AIM2: variants seen among roughly 807,000 people sequenced by gnomAD.
AIM2 encodes interferon-inducible protein AIM2.
In AIM2, 30 loss-of-function variants were observed where a neutral mutation model predicts 27.7. The observed-to-expected ratio is 1.08, with a 90% confidence interval of 0.81 to 1.47. The LOEUF (loss-of-function observed/expected upper bound fraction) is 1.47, where lower values mean the gene tolerates loss of function less well. Among genes scored for constraint, AIM2 ranks in the 40% most tolerant of loss-of-function variants. The pLI, the probability that AIM2 is intolerant of heterozygous loss-of-function variation, is 0.00. For missense variants in AIM2, 358 were observed against 411.3 expected, an observed-to-expected ratio of 0.87 and a Z score of 1.12; for synonymous variants, 141 against 145.3, an observed-to-expected ratio of 0.97 and a Z score of 0.21.
intron 2 of AIM2, among the ~76,000 whole-genome samples, chr1:159,071,410 A>G (rs752226124): frequency 1.3e-5 from 2 of 152,258 alleles, no homozygotes; most frequent in Non-Finnish European, 1.5e-5. Flanking sequence ...AATTTCCTAC[A>G]TTCAAAAGCG....
intron 1 of AIM2, among the ~76,000 whole-genome samples, chr1:159,118,934 T>A (rs1343291188): frequency 1.3e-5 from 2 of 152,168 alleles, no homozygotes; most frequent in Non-Finnish European, 2.9e-5. Context: ...TAGTTGCATA[T>A]AATGACACAG....
At chr1:159,082,722 A>G (rs1338355667) in intron 1 of AIM2, among the ~76,000 whole-genome samples, 1 of 152,086 alleles carries the variant, frequency 6.6e-6, no homozygotes, top group Non-Finnish European at 1.5e-5. Flanking sequence ...CGCCTCCCCA[A>G]AGCCCCACCT....
upstream of AIM2, among the ~76,000 whole-genome samples, chr1:159,078,562 G>GT (rs1406431903): frequency 6.6e-6 from 1 of 152,216 alleles, no homozygotes; most frequent in African/African-American, 2.4e-5. Context: ...CCTGTAAAAG[G>GT]TGAGTTAAGT....
rs778132585 is a variant in AIM2 at position 159,073,491 on chromosome 1, A to T, written c.9T>A (p.Ser3Arg). 6.2e-7 allele frequency: 1 copy of T among 1,613,254 alleles called. No homozygotes were observed. Among genetic ancestry groups the T allele is most frequent in the African/African-American group, 1.3e-5 (1 of 74,846 alleles). ME[S>R]KYKEILLLTG... is the part of the protein sequence containing the mutation. ...TTAGCAAGAGTATCTCCTTGTATTTACTCTCCATCTGACAACTTTGGGATC... is the reference window on the plus strand; with the variant it reads ...TTAGCAAGAGTATCTCCTTGTATTTTCTCTCCATCTGACAACTTTGGGATC... The change falls in exon 2 of 6, where the codon AGT becomes AGA. Residue 3 changes from serine to arginine, a missense_variant. By Grantham distance (110) the Ser-to-Arg change is moderately radical (BLOSUM62 -1). Coordinates refer to ENST00000368130, the MANE Select transcript of AIM2 (RefSeq NM_004833.3).
intron 1 of AIM2, among the ~76,000 whole-genome samples, chr1:159,106,322 G>A (rs548699323): frequency 2.0e-5 from 3 of 152,324 alleles, no homozygotes; most frequent in East Asian, 1.9e-4. Flanking sequence ...CGCCTCCCCT[G>A]CTACAGCCAG....
chr1:159,136,411 G>C (rs1192805084), intron 1 of AIM2, among the ~76,000 whole-genome samples: 2 of 152,132 alleles, frequency 1.3e-5, no homozygotes, highest in African/African-American at 4.8e-5. Flanking sequence ...TACTAGATGA[G>C]AAAATCAAGG....
At chr1:159,094,215 G>C (rs1285314653) in intron 1 of AIM2, among the ~76,000 whole-genome samples, 4 of 152,148 alleles carry the variant, frequency 2.6e-5, no homozygotes, top group Admixed American at 6.5e-5. Context: ...ACTCTATTAG[G>C]TTGGTGCAAA....
rs181762065 is a variant in AIM2 at position 159,130,731 on chromosome 1, T to C, written c.-16+9700A>G. On this transcript the variant is annotated intron_variant, in intron 1 of 2. Coordinates refer to the AIM2 transcript ENST00000368129. ...TGTCTCCAACCTAGCTTCCCTTCAG[T>C]CTTTCTCCAAATTCTTCTGGAATAA... is the stretch of plus-strand genomic sequence containing the variant. Among the ~76,000 whole-genome samples the C allele has an allele frequency of 2.0e-5, 3 of 152,036 alleles. No individual in the cohort carries two copies. In the East Asian group the frequency reaches 5.8e-4, roughly 29 times the overall value.
At chr1:159,071,753 AC>A (rs1282335945) in intron 2 of AIM2, among the ~76,000 whole-genome samples, 1 of 152,054 alleles carries the variant, frequency 6.6e-6, no homozygotes, top group African/African-American at 2.4e-5. Context: ...CAAGTGATCC[AC>A]CCGCCTTGGC....
intron 1 of AIM2, among the ~76,000 whole-genome samples, chr1:159,105,911 A>G (rs1174371464): frequency 6.6e-6 from 1 of 152,108 alleles, no homozygotes; most frequent in East Asian, 1.9e-4. Context: ...GCTTCGGGCC[A>G]TCCTTGGTTT....
intron 1 of AIM2, among the ~76,000 whole-genome samples, chr1:159,076,060 A>G (rs531102568): frequency 6.6e-6 from 1 of 152,292 alleles, no homozygotes; most frequent in South Asian, 2.1e-4. Context: ...CAAAATAAGG[A>G]ATACATTAAA....
chr1:159,142,373 G>C (rs1648129519), upstream of AIM2, among the ~76,000 whole-genome samples: 2 of 152,190 alleles, frequency 1.3e-5, no homozygotes, highest in Admixed American at 1.3e-4. Flanking sequence ...TGTGTGTTCA[G>C]TGTGTAAGTA....
chr1:159,117,116 T>A (rs1013315796), intron 1 of AIM2, among the ~76,000 whole-genome samples: 2 of 152,116 alleles, frequency 1.3e-5, no homozygotes, highest in Non-Finnish European at 2.9e-5. Flanking sequence ...AGCAGAAATA[T>A]AGCTGTCAAG....
chr1:159,066,355 AGCTGTGAGTC>A, intron 3 of AIM2, 26 bp from the exon 4 acceptor site: 1 of 1,585,172 alleles, frequency 6.3e-7, no homozygotes, highest in Admixed American at 1.9e-5. Context: ...GAAAGATATC[AGCTGTGAGTC>A]AAAAAGGTAC....
chr1:159,127,413 ATGTCTG>A (rs1396023649), intron 1 of AIM2, among the ~76,000 whole-genome samples: 1 of 152,206 alleles, frequency 6.6e-6, no homozygotes, highest in Non-Finnish European at 1.5e-5. Flanking sequence ...TATGGTCTGA[ATGTCTG>A]TGTCCCCACA....
At position 159,066,339 on chromosome 1, in the gene AIM2, A is replaced by G. The variant is rs1309159756; in HGVS notation, c.397-10T>C. 6.3e-7 allele frequency: 1 copy of G among 1,599,080 alleles called. No homozygotes were observed. On this transcript the variant is annotated splice_polypyrimidine_tract_variant and intron_variant, in intron 3 of 5. Transcript: ENST00000368130. ...TCTGTTTCTGTTCAGGCTGAAGACAAGAGAAGAAAGATATCAGCTGTGAGT... is the reference window on the plus strand; with the variant it reads ...TCTGTTTCTGTTCAGGCTGAAGACAGGAGAAGAAAGATATCAGCTGTGAGT...
At chr1:159,083,221 A>G (rs545263268) in intron 1 of AIM2, among the ~76,000 whole-genome samples, 46 of 152,338 alleles carry the variant, frequency 3.0e-4, no homozygotes, top group South Asian at 8.3e-4. Context: ...TGAAATGACC[A>G]TATTGGGAAA....
intron 1 of AIM2, among the ~76,000 whole-genome samples, chr1:159,113,263 T>C (rs890308299): frequency 3.9e-5 from 6 of 152,156 alleles, no homozygotes; most frequent in African/African-American, 7.2e-5. Context: ...TATTACATGA[T>C]AGGCATTTTG....
chr1:159,141,126 A>T (rs958810891), upstream of AIM2, among the ~76,000 whole-genome samples: 1 of 152,176 alleles, frequency 6.6e-6, no homozygotes, highest in Non-Finnish European at 1.5e-5. Context: ...ACAGTGCAAG[A>T]AACTACCCTC....
Sources: allele counts gnomAD v4.1 joint callset (sites outside exome capture counted in the v4.1 genomes callset), GRCh38; gene constraint gnomAD v4.1.1; transcripts MANE v1.5; gene names NCBI Gene and HGNC (gene_info 2026-07-23, HGNC 2026-07-21).